VILL: variants seen among roughly 807,000 people sequenced by gnomAD.
The protein encoded by VILL is villin like, also known as villin-like protein.
VILL carries 102 observed loss-of-function variants against 106.3 expected under a neutral mutation model. That is an observed-to-expected ratio of 0.96 (90% confidence interval 0.82 to 1.13). The LOEUF is 1.13. Among genes scored for constraint, VILL ranks in the 50% most tolerant of loss-of-function variants. The pLI, the probability that VILL is intolerant of heterozygous loss-of-function variation, is 0.00. For synonymous variants in VILL, 431 were observed against 440.3 expected, an observed-to-expected ratio of 0.98 and a Z score of 0.27; for missense variants, 1,076 against 1,116.6, an observed-to-expected ratio of 0.96 and a Z score of 0.52.
intron 14 of VILL, 179 bp from the exon 15 acceptor site, chr3:38,002,988 CA>C: frequency 1.3e-6 from 1 of 782,072 alleles, no homozygotes; most frequent in South Asian, 2.0e-5. Flanking sequence ...CGATCCAGAT[CA>C]ACTGGGGACA....
At position 37,995,737 on chromosome 3, in the gene VILL, A is replaced by G; in HGVS notation, c.342-2A>G. The stretch of plus-strand genomic sequence containing the variant: ...TATACCCTCCTGCTATTCCCACCTC[A>G]GCTACAGGAAGGGAGGCCTAGCATC... On this transcript the variant is annotated splice_acceptor_variant, in intron 4 of 19. Coordinates refer to ENST00000383759, the MANE Select transcript of VILL (RefSeq NM_015873.4). LOFTEE classifies it high-confidence loss of function. The G allele has an allele frequency of 1.2e-6, 2 of 1,612,454 alleles. No individual in the cohort carries two copies. The highest frequency in any genetic ancestry group is 1.7e-6 in the Non-Finnish European group (2 of 1,178,696).
rs375475244 is a variant in VILL, at chr3:38,002,501, C to T, written c.1585C>T (p.Arg529Cys). Residue 529 changes from arginine (R) to cysteine (C), a missense_variant, in exon 14 of 20, where the codon CGT (arginine) becomes TGT (cysteine). Transcript: ENST00000383759. ...CACCAGGACCATGGAGGTGCCAGCC[C>T]GTGCCTCATCCCTCAACTCCAGTGA... ...HNTRTMEVPA[R>C]ASSLNSSDIF... The T allele has an allele frequency of 2.1e-5, 34 of 1,614,100 alleles. No individual in the cohort carries two copies. The highest frequency in any genetic ancestry group is 1.3e-4 in the South Asian group (12 of 91,094).
In VILL at chr3:38,001,815, C is replaced by T. The variant is rs771404125; in HGVS notation, c.1434C>T (p.Pro478=). The T allele has an allele frequency of 1.4e-5, 22 of 1,614,130 alleles. No individual in the cohort carries two copies. Among genetic ancestry groups the T allele is most frequent in the Non-Finnish European group, 1.7e-5 (20 of 1,180,046 alleles). Reference sequence around the variant, plus strand: ...AGCATGTGACCATGGGCAGCGAGCCCCCCCACTTCCTCGCCATCTTCCAGG... The same window carrying T: ...AGCATGTGACCATGGGCAGCGAGCCTCCCCACTTCCTCGCCATCTTCCAGG... ...VQEHVTMGSE[P]PHFLAIFQGQ... The change falls in exon 13 of 20, where the codon CCC becomes CCT. Residue 478 remains proline (P), a synonymous_variant. Coordinates refer to ENST00000383759, the MANE Select transcript of VILL (RefSeq NM_015873.4).
At chr3:37,994,141 T>C in intron 3 of VILL, 120 bp from the exon 4 acceptor site, 2 of 1,416,244 alleles carry the variant, frequency 1.4e-6, no homozygotes, top group Non-Finnish European at 1.9e-6. Flanking sequence ...CCCTCCCACT[T>C]CCTGATCTCC....
intron 15 of VILL, chr3:38,003,982 A>G: frequency 2.8e-6 from 1 of 357,068 alleles, no homozygotes; most frequent in East Asian, 4.4e-5. Context: ...ACTCCAGCTC[A>G]GGCCCTCCCC....
At position 38,007,013 on chromosome 3, in the gene VILL, G is replaced by A. The variant is rs776948154; in HGVS notation, c.2529G>A (p.Thr843=). The change falls in exon 20 of 20, where the codon ACG becomes ACA. Residue 843 remains threonine (T), a synonymous_variant. Transcript: ENST00000383759. ...AGGAGGAATTCTACAGCATGGCCAC[G>A]TGGAGGCAGCGGCAGGAGAAAAAGC... The part of the protein sequence containing the change: ...KSKEEFYSMA[T]WRQRQEKKQL... 5.6e-6 allele frequency: 9 copies of A among 1,613,990 alleles called. No individual in the cohort carries two copies. Among genetic ancestry groups the A allele is most frequent in the Admixed American group, 1.7e-5 (1 of 59,998 alleles).
chr3:38,002,414 G>A lies in VILL; in HGVS notation c.1498G>A (p.Gly500Arg), dbSNP rs1699834958. The change falls in exon 14 of 20, where the codon GGA becomes AGA. Residue 500 changes from glycine (G) to arginine (R), a missense_variant. By Grantham distance (125) the Gly-to-Arg change is moderately radical. Transcript: ENST00000383759. ...VIFQERAGHH[G>R]KGQSASTTRL... Reference sequence around the variant, plus strand: ...CCTATAGGAGAGAGCTGGGCACCATGGAAAGGGGCAGTCAGCATCCACCAC... The same window carrying A: ...CCTATAGGAGAGAGCTGGGCACCATAGAAAGGGGCAGTCAGCATCCACCAC... 2 of 1,612,958 alleles carry A rather than the reference G, an allele frequency of 1.2e-6. No individual in the cohort carries two copies. The highest frequency in any genetic ancestry group is 8.5e-7 in the Non-Finnish European group (1 of 1,179,284).
In VILL at chr3:38,005,777, C is replaced by G. The variant is rs1462315233; in HGVS notation, c.1951-15C>G. 1 of 1,599,384 alleles carries G rather than the reference C, an allele frequency of 6.3e-7. No individual in the cohort carries two copies. Among genetic ancestry groups the G allele is most frequent in the Non-Finnish European group, 8.5e-7 (1 of 1,172,408 alleles). On this transcript the variant is annotated splice_polypyrimidine_tract_variant and intron_variant, in intron 16 of 19. Coordinates refer to ENST00000383759, the MANE Select transcript of VILL (RefSeq NM_015873.4). ...CCCTCCACCTGCCCAAGGCCAGGTC[C>G]CCTCTGTGGCTCAGATCTTCCTGTG...
At chr3:37,995,480 A>G (rs1161149715) in intron 4 of VILL, among the ~76,000 whole-genome samples, 1 of 152,218 alleles carries the variant, frequency 6.6e-6, no homozygotes, top group African/African-American at 2.4e-5. Flanking sequence ...TGTGCCCCCA[A>G]ATGTATGTAC....
rs1367026054 is a variant in VILL, at chr3:37,997,528, G to C, written c.607G>C (p.Gly203Arg). 6.2e-7 allele frequency: 1 copy of C among 1,614,156 alleles called. No individual in the cohort carries two copies. Among genetic ancestry groups the C allele is most frequent in the South Asian group, 1.1e-5 (1 of 91,086 alleles). Residue 203 changes from glycine (G) to arginine (R), a missense_variant, in exon 7 of 20, where the codon GGT becomes CGT. By Grantham distance (125) the Gly-to-Arg change is moderately radical. Transcript: ENST00000383759. The surrounding 1 kb of genome is among the most constrained non-coding windows in gnomAD (Gnocchi z 4.7). ...YSLRDRERGG[G>R]RAQIGVVDDE... ...CCTCCGGGACAGGGAACGTGGTGGT[G>C]GTCGTGCACAGATTGGTGTGGTGGA...
intron 16 of VILL, 132 bp from the exon 17 acceptor site, chr3:38,005,660 G>T: frequency 1.1e-6 from 1 of 947,052 alleles, no homozygotes; most frequent in Non-Finnish European, 1.5e-6. Context: ...GCCGCTTGCT[G>T]GGTGTGTCTG....
intron 1 of VILL, chr3:37,993,371 G>C (rs1699637891): frequency 2.5e-6 from 1 of 392,586 alleles, no homozygotes; most frequent in Non-Finnish European, 4.7e-6. Flanking sequence ...AGTGAAGTGT[G>C]TTCGAATCAT....
In VILL at chr3:38,001,452, C is replaced by T; in HGVS notation, c.1183-4C>T. 1 of 1,613,746 alleles carries T rather than the reference C, an allele frequency of 6.2e-7. No individual in the cohort carries two copies. The highest frequency in any genetic ancestry group is 1.1e-5 in the South Asian group (1 of 91,044). ...CCTGTGCCCATTGGTCCCTTATTCC[C>T]CAGGTGTGGTGCATCCAGGACTTAC... On this transcript the variant is annotated splice_polypyrimidine_tract_variant and splice_region_variant and intron_variant, in intron 11 of 19. Coordinates refer to ENST00000383759, the MANE Select transcript of VILL (RefSeq NM_015873.4).
rs772322704 is a variant in VILL at position 38,001,451 on chromosome 3, C to T, written c.1183-5C>T. The T allele has an allele frequency of 6.2e-7, 1 of 1,613,768 alleles. No individual in the cohort carries two copies. Among genetic ancestry groups the T allele is most frequent in the Non-Finnish European group, 8.5e-7 (1 of 1,179,784 alleles). ...ACCTGTGCCCATTGGTCCCTTATTC[C>T]CCAGGTGTGGTGCATCCAGGACTTA... On this transcript the variant is annotated splice_polypyrimidine_tract_variant and splice_region_variant and intron_variant, in intron 11 of 19. Transcript: ENST00000383759.
rs746168390 is a variant in VILL at position 38,005,983 on chromosome 3, G to A, written c.2133+9G>A. 3 of 1,606,396 alleles carry A rather than the reference G, an allele frequency of 1.9e-6. No homozygotes were observed. The highest frequency in any genetic ancestry group is 2.6e-6 in the Non-Finnish European group (3 of 1,174,782). On this transcript the variant is annotated intron_variant, in intron 17 of 19. Transcript: ENST00000383759. ...ACCCCTACAAGTGGACTGTGAGTGA[G>A]GCCTGAAACCCCCAGCCCTACCCTA...
intron 1 of VILL, 187 bp downstream of exon 1, chr3:37,991,016 C>T (rs73060803): frequency 0.044 from 6,648 of 152,270 alleles, 152 homozygotes; most frequent in African/African-American, 0.053. Context: ...CAGCTGTGGC[C>T]GGCAGCCCAA....
chr3:38,001,440 G>T lies in VILL; in HGVS notation c.1183-16G>T, dbSNP rs1255580271. The T allele has an allele frequency of 6.2e-7, 1 of 1,612,930 alleles. No individual in the cohort carries two copies. Among genetic ancestry groups the T allele is most frequent in the Non-Finnish European group, 8.5e-7 (1 of 1,179,396 alleles). On this transcript the variant is annotated splice_polypyrimidine_tract_variant and intron_variant, in intron 11 of 19. Transcript: ENST00000383759. ...GAAGAGCAGCCACCTGTGCCCATTG[G>T]TCCCTTATTCCCCAGGTGTGGTGCA... is the stretch of plus-strand genomic sequence containing the variant.
intron 14 of VILL, 177 bp from the exon 15 acceptor site, chr3:38,002,991 C>T: frequency 1.2e-6 from 1 of 801,848 alleles, no homozygotes; most frequent in Admixed American, 3.0e-5. Context: ...TCCAGATCAA[C>T]TGGGGACACA....
intron 2 of VILL, 80 bp downstream of exon 2, chr3:37,993,812 AC>A: frequency 6.2e-7 from 1 of 1,606,448 alleles, no homozygotes; most frequent in Non-Finnish European, 8.5e-7. Flanking sequence ...CCCGCCCCCA[AC>A]TCAGAGCGTC....
Sources: gnomAD v4.1 joint callset for allele counts (sites outside exome capture counted in the v4.1 genomes callset) on GRCh38, gnomAD v4.1.1 for gene constraint, Gnocchi (gnomAD v3.1) non-coding constraint, MANE v1.5 for transcripts, NCBI Gene and HGNC (gene_info 2026-07-23, HGNC 2026-07-21) for gene names.